CCSER1: variants seen among roughly 807,000 people sequenced by gnomAD.
The protein encoded by CCSER1 is coiled-coil serine rich protein 1, also known as serine-rich coiled-coil domain-containing protein 1.
In CCSER1, 41 loss-of-function variants were observed where a neutral mutation model predicts 82.0. That is an observed-to-expected ratio of 0.50 (90% CI 0.39 to 0.65). The LOEUF (loss-of-function observed/expected upper bound fraction) is 0.65, where lower values mean the gene tolerates loss of function less well. CCSER1 is among the 30% of genes least tolerant of loss of function. The pLI is 0.00. For synonymous variants in CCSER1, 414 were observed against 383.9 expected, an observed-to-expected ratio of 1.08 and a Z score of -0.92; for missense variants, 1,119 against 1,064.2, an observed-to-expected ratio of 1.05 and a Z score of -0.72.
intron 1 of CCSER1, among the ~76,000 whole-genome samples, chr4:90,175,185 A>G (rs1032123906): frequency 7.2e-5 from 11 of 152,026 alleles, no homozygotes; most frequent in African/African-American, 2.7e-4. Context: ...TAAGGAAATG[A>G]GCCACTGATA....
rs1170419726 is a variant in CCSER1 at position 91,601,460 on chromosome 4, A to G, written c.*2403A>G. ...GGCCTGGAGAAGGTGTAAGCCCACT[A>G]TGCTAATGTACATCAGTAACTGTAA... On this transcript the variant is annotated 3_prime_UTR_variant, in exon 11 of 11. Transcript: ENST00000509176. The G allele has an allele frequency of 6.6e-6, 1 of 152,066 alleles. No individual in the cohort carries two copies. The highest frequency in any genetic ancestry group is 1.5e-5 in the Non-Finnish European group (1 of 67,942). 9.4% of individuals were successfully genotyped at this position (152,066 alleles called of 1,614,324 possible). A position where few individuals can be genotyped will look rare whatever the true frequency, so the allele number is the denominator to read the frequency against.
chr4:90,836,302 A>T (rs753091282), intron 8 of CCSER1, among the ~76,000 whole-genome samples: 14 of 152,122 alleles, frequency 9.2e-5, no homozygotes, highest in Non-Finnish European at 1.9e-4. Flanking sequence ...TGAATGTATT[A>T]GTCAAATGTC....
rs1252924747 is a variant in CCSER1 at position 90,629,724 on chromosome 4, C to G, written c.1932+1492C>G. 2.0e-5 allele frequency among the ~76,000 whole-genome samples: 3 copies of G among 152,102 alleles called. No individual in the cohort carries two copies. In the East Asian group the frequency reaches 5.8e-4, roughly 29 times the overall value. The stretch of plus-strand genomic sequence containing the variant: ...CCTTTGTTTCTGGATATTCTGGATC[C>G]TATAATGTGTTGTGCTGTAGCGGTA... On this transcript the variant is annotated intron_variant, in intron 6 of 10. Coordinates refer to ENST00000509176, the MANE Select transcript of CCSER1 (RefSeq NM_001145065.2).
intron 10 of CCSER1, among the ~76,000 whole-genome samples, chr4:91,256,266 G>A (rs1156229938): frequency 2.0e-5 from 3 of 152,090 alleles, no homozygotes; most frequent in African/African-American, 7.2e-5. Flanking sequence ...TTCCAGCCTG[G>A]CGAATTCTAG....
chr4:90,891,801 T>C (rs1164000921), intron 8 of CCSER1, among the ~76,000 whole-genome samples: 1 of 152,062 alleles, frequency 6.6e-6, no homozygotes, highest in Admixed American at 6.6e-5. Context: ...ACTCCTATTT[T>C]GCAAGGTATT....
At chr4:90,469,127 A>C (rs1033202425) in intron 5 of CCSER1, among the ~76,000 whole-genome samples, 1 of 152,132 alleles carries the variant, frequency 6.6e-6, no homozygotes, top group African/African-American at 2.4e-5. Context: ...TGACCACCGT[A>C]GGAGTAAGGC....
At chr4:91,174,873 G>A (rs1424855401) in intron 10 of CCSER1, among the ~76,000 whole-genome samples, 1 of 150,682 alleles carries the variant, frequency 6.6e-6, no homozygotes. Flanking sequence ...TGCACGACAT[G>A]CAGATTTGTT....
chr4:91,571,618 G>A (rs1763188888), intron 10 of CCSER1, among the ~76,000 whole-genome samples: 1 of 152,136 alleles, frequency 6.6e-6, no homozygotes, highest in African/African-American at 2.4e-5. Context: ...TCAGCATGGG[G>A]GAAAACTGCC....
intron 9 of CCSER1, among the ~76,000 whole-genome samples, chr4:90,987,286 C>T (rs1317738096): frequency 6.6e-6 from 1 of 151,034 alleles, no homozygotes; most frequent in Non-Finnish European, 1.5e-5. Context: ...TTACTCTTTA[C>T]CCATAGCCCT....
At chr4:91,381,811 C>G (rs979705851) in intron 10 of CCSER1, among the ~76,000 whole-genome samples, 7 of 152,290 alleles carry the variant, frequency 4.6e-5, no homozygotes, top group Middle Eastern at 3.4e-3. Context: ...TGGAGGGTGA[C>G]TGGCACTCTG....
chr4:90,661,483 G>T (rs112306739), intron 6 of CCSER1, among the ~76,000 whole-genome samples: 63 of 152,264 alleles, frequency 4.1e-4, no homozygotes, highest in African/African-American at 1.4e-3. Flanking sequence ...GCAATGTAAA[G>T]GCTTCTTAGA....
At chr4:90,641,153 A>G (rs1342967970) in intron 6 of CCSER1, among the ~76,000 whole-genome samples, 1 of 152,162 alleles carries the variant, frequency 6.6e-6, no homozygotes, top group Non-Finnish European at 1.5e-5. Context: ...AATCTAAAAT[A>G]TATTTTATGT....
At chr4:91,094,407 G>T (rs1270561369) in intron 10 of CCSER1, among the ~76,000 whole-genome samples, 2 of 152,288 alleles carry the variant, frequency 1.3e-5, no homozygotes, top group East Asian at 3.9e-4. Context: ...TCCTCAGCTG[G>T]CAGCAATCCT....
rs58159693 is a variant in CCSER1, at chr4:91,551,656, A to AACACACAC, written c.2218-46878_2218-46871dup. On this transcript the variant is annotated intron_variant, in intron 10 of 10. Transcript: ENST00000509176. ...TTCCTGAAGCAGCAGGCAAAAAACA[A>AACACACAC]ACACACACACACACACACACACACA... 3.7e-3 allele frequency among the ~76,000 whole-genome samples: 510 copies of AACACACAC among 139,506 alleles called. 4 individuals are homozygous for AACACACAC. The highest frequency in any genetic ancestry group is 3.9e-3 in the South Asian group (16 of 4,124). The allele number at this position is 139,506 out of a possible 152,430, so 91.5% of individuals were successfully genotyped here.
intron 10 of CCSER1, among the ~76,000 whole-genome samples, chr4:91,341,217 A>G (rs1295150202): frequency 6.6e-6 from 1 of 152,038 alleles, no homozygotes; most frequent in African/African-American, 2.4e-5. Flanking sequence ...TTTTTATTTT[A>G]TTTTCATAAT....
chr4:90,634,410 G>A lies in CCSER1; in HGVS notation c.1932+6178G>A, dbSNP rs530999184. On this transcript the variant is annotated intron_variant, in intron 6 of 10. Transcript: ENST00000509176. ...TTACCTAAAAGGAATAATAATTTAA[G>A]ACTTTCAAGGATAATATTCAATGCA... 3.3e-5 allele frequency among the ~76,000 whole-genome samples: 5 copies of A among 151,560 alleles called. 1 individual carries two copies. In the South Asian group the frequency reaches 1.0e-3, roughly 31 times the overall value.
chr4:90,781,929 C>T, intron 7 of CCSER1: 4 of 925,064 alleles, frequency 4.3e-6, no homozygotes, highest in Non-Finnish European at 5.2e-6. Flanking sequence ...ATTGAAGAGA[C>T]TGTTGAATAT....
intron 9 of CCSER1, among the ~76,000 whole-genome samples, chr4:90,925,983 A>C (rs1289702272): frequency 2.6e-5 from 4 of 152,108 alleles, no homozygotes; most frequent in African/African-American, 7.2e-5. Context: ...ATACTTAAAC[A>C]AATCAAAAAT....
At position 91,602,248 on chromosome 4, in the gene CCSER1, T is replaced by TA. The variant is rs1451599799; in HGVS notation, c.*3193dup. Among the ~76,000 whole-genome samples the TA allele has an allele frequency of 6.6e-6, 1 of 152,110 alleles. No individual in the cohort carries two copies. Among genetic ancestry groups the TA allele is most frequent in the African/African-American group, 2.4e-5 (1 of 41,456 alleles). On this transcript the variant is annotated 3_prime_UTR_variant, in exon 11 of 11. Transcript: ENST00000509176. ...TCATGATTAATCTGGGTTTATGATT[T>TA]AATCCTAACTCATTGTCATTATTTC...
Sources: allele counts gnomAD v4.1 joint callset (sites outside exome capture counted in the v4.1 genomes callset), GRCh38; gene constraint gnomAD v4.1.1; transcripts MANE v1.5; gene names NCBI Gene and HGNC (gene_info 2026-07-23, HGNC 2026-07-21).